Variants in PARD3B observed in about 807,000 individuals in gnomAD.
The protein encoded by PARD3B is par-3 family cell polarity regulator beta.
PARD3B carries 103 observed loss-of-function variants against 130.2 expected under a neutral mutation model. The observed-to-expected ratio is 0.79, with a 90% CI of 0.67 to 0.93. The LOEUF (loss-of-function observed/expected upper bound fraction) is 0.93. Among genes scored for constraint, PARD3B ranks in the 40% least tolerant of loss-of-function variants. PARD3B has a pLI of 0.00. For missense variants in PARD3B, 1,609 were observed against 1,499.2 expected, an observed-to-expected ratio of 1.07 and a Z score of -1.21; for synonymous variants, 583 against 553.2, an observed-to-expected ratio of 1.05 and a Z score of -0.76.
Position 205,128,262 on chromosome 2 carries a change from G to C in PARD3B, c.1434+2525G>C, listed in dbSNP as rs1343369816. Among the ~76,000 whole-genome samples the C allele has an allele frequency of 6.6e-6, 1 of 152,114 alleles. No individual in the cohort carries two copies. Among genetic ancestry groups the C allele is most frequent in the African/African-American group, 2.4e-5 (1 of 41,428 alleles). ...ACTCCAACTAGGAACTTAAACCCTC[G>C]AGCCTGCAGTTTCTGTCTAGTAGTT... On this transcript the variant is annotated intron_variant, in intron 10 of 22. Coordinates refer to ENST00000406610, the MANE Select transcript of PARD3B (RefSeq NM_001302769.2). The surrounding 1 kb of genome is among the most constrained non-coding windows in gnomAD (Gnocchi z 4.5).
intron 18 of PARD3B, among the ~76,000 whole-genome samples, chr2:205,381,051 AT>A (rs1398158020): frequency 0.062 from 1,240 of 20,020 alleles, 312 homozygotes; most frequent in African/African-American, 0.086. Flanking sequence ...AATATATATT[AT>A]ATATAAAGAA....
At chr2:204,680,517 T>C (rs1476804654) in intron 1 of PARD3B, among the ~76,000 whole-genome samples, 1 of 152,050 alleles carries the variant, frequency 6.6e-6, no homozygotes, top group East Asian at 1.9e-4. Context: ...ACTTTGATTT[T>C]TATTTGTTGT....
At chr2:205,157,314 G>T (rs564089039) in intron 10 of PARD3B, among the ~76,000 whole-genome samples, 1 of 152,248 alleles carries the variant, frequency 6.6e-6, no homozygotes, top group Non-Finnish European at 1.5e-5. Context: ...AATGGGATTT[G>T]TTTTTTAGGT....
intron 15 of PARD3B, among the ~76,000 whole-genome samples, chr2:205,227,290 G>C (rs529583164): frequency 2.0e-4 from 31 of 152,208 alleles, no homozygotes; most frequent in African/African-American, 6.7e-4. Flanking sequence ...GAAGTCTCCA[G>C]CCATTATTGT....
At chr2:204,559,997 T>G (rs1207897145) in intron 1 of PARD3B, among the ~76,000 whole-genome samples, 3 of 151,808 alleles carry the variant, frequency 2.0e-5, no homozygotes, top group Non-Finnish European at 4.4e-5. Context: ...ATGAGAACAC[T>G]TGGACACAGG....
chr2:204,684,476 T>G (rs1407173458), intron 1 of PARD3B, among the ~76,000 whole-genome samples: 2 of 152,206 alleles, frequency 1.3e-5, no homozygotes, highest in Non-Finnish European at 2.9e-5. Flanking sequence ...CTGGGTAGAT[T>G]TGAAGAAATA....
chr2:205,359,707 A>G (rs777662981), intron 18 of PARD3B, among the ~76,000 whole-genome samples: 50 of 152,112 alleles, frequency 3.3e-4, no homozygotes, highest in Admixed American at 6.6e-4. Context: ...TCCACTCAGC[A>G]TTGTTTTTAA....
At chr2:205,326,349 C>T (rs540817967) in intron 18 of PARD3B, among the ~76,000 whole-genome samples, 1 of 152,196 alleles carries the variant, frequency 6.6e-6, no homozygotes, top group East Asian at 1.9e-4. Context: ...AAATCTTATT[C>T]CATTAGGGAC....
In PARD3B at chr2:204,892,628, T is replaced by C. The variant is rs73982602; in HGVS notation, c.223-72524T>C. ...CTAGCTGCTGTACTGAGAAAAGATA[T>C]AGGGGTGGAAGTGTCAAATGGTTTG... On this transcript the variant is annotated intron_variant, in intron 2 of 22. Coordinates refer to ENST00000406610, the MANE Select transcript of PARD3B (RefSeq NM_001302769.2). Among the ~76,000 whole-genome samples, 1,249 of 152,224 alleles carry C rather than the reference T, an allele frequency of 8.2e-3. 10 individuals carry two copies. The highest frequency in any genetic ancestry group is 0.028 in the African/African-American group (1,152 of 41,534).
At chr2:205,209,146 C>G (rs2037484911) in intron 15 of PARD3B, among the ~76,000 whole-genome samples, 1 of 138,946 alleles carries the variant, frequency 7.2e-6, no homozygotes, top group African/African-American at 2.8e-5. Context: ...ATAAATGGTG[C>G]TGGGAAAACT....
intron 1 of PARD3B, among the ~76,000 whole-genome samples, chr2:204,615,284 G>A (rs898658366): frequency 5.3e-5 from 8 of 152,020 alleles, no homozygotes; most frequent in Admixed American, 1.3e-4. Flanking sequence ...GTTGCAATGC[G>A]GAATCTAAAA....
chr2:204,961,889 A>T (rs1487705001), intron 2 of PARD3B, among the ~76,000 whole-genome samples: 1 of 152,064 alleles, frequency 6.6e-6, no homozygotes. Context: ...GAGGGGTGAG[A>T]GCCTGACTAG....
rs180992905 is a variant in PARD3B at position 204,677,059 on chromosome 2, A to T, written c.121-9122A>T. On this transcript the variant is annotated intron_variant, in intron 1 of 22. Transcript: ENST00000406610. This position sits in a 1 kb window ranked among gnomAD's most constrained non-coding sequence, Gnocchi z 4.1. Reference sequence around the variant, plus strand: ...TTCTAGAACAGCACAGAAAAAGCCAAATCTCTCTTTTATGTGGAAGGCTTT... The same window carrying T: ...TTCTAGAACAGCACAGAAAAAGCCATATCTCTCTTTTATGTGGAAGGCTTT... Among the ~76,000 whole-genome samples the T allele has an allele frequency of 2.0e-5, 3 of 152,064 alleles. No homozygotes were observed. The highest frequency in any genetic ancestry group is 6.5e-5 in the Admixed American group (1 of 15,272).
chr2:204,810,766 GT>G (rs1198511918), intron 2 of PARD3B, among the ~76,000 whole-genome samples: 1 of 151,434 alleles, frequency 6.6e-6, no homozygotes, highest in African/African-American at 2.4e-5. Flanking sequence ...GGCCTGAAGT[GT>G]TTTTTTTGTT....
chr2:204,824,515 A>G (rs1448187812), intron 2 of PARD3B, among the ~76,000 whole-genome samples: 2 of 152,078 alleles, frequency 1.3e-5, no homozygotes, highest in African/African-American at 4.8e-5. Flanking sequence ...TCCTTGAACT[A>G]TCTCTATTTG....
rs940775679 is a variant in PARD3B, at chr2:205,288,201, G to A, written c.2186-12329G>A. Reference sequence around the variant, plus strand: ...GGTAGCAGGCAGTGCCCCCTGTCCCGTCCACCCAGACACATAACCCTGAGC... The same window carrying A: ...GGTAGCAGGCAGTGCCCCCTGTCCCATCCACCCAGACACATAACCCTGAGC... On this transcript the variant is annotated intron_variant, in intron 16 of 22. Coordinates refer to ENST00000406610, the MANE Select transcript of PARD3B (RefSeq NM_001302769.2). The surrounding 1 kb of genome is among the most constrained non-coding windows in gnomAD (Gnocchi z 4.0). Among the ~76,000 whole-genome samples, 2 of 152,000 alleles carry A rather than the reference G, an allele frequency of 1.3e-5. No individual in the cohort carries two copies. The highest frequency in any genetic ancestry group is 2.1e-4 in the South Asian group (1 of 4,816).
At chr2:204,983,219 G>A (rs1438430851) in intron 3 of PARD3B, among the ~76,000 whole-genome samples, 3 of 152,156 alleles carry the variant, frequency 2.0e-5, no homozygotes, top group African/African-American at 4.8e-5. Context: ...CAGACATTAT[G>A]TAGGAGTTTC....
At chr2:205,391,139 A>G (rs2045844941) in intron 18 of PARD3B, among the ~76,000 whole-genome samples, 2 of 152,248 alleles carry the variant, frequency 1.3e-5, no homozygotes, top group South Asian at 4.1e-4. Flanking sequence ...CACAGTTGAT[A>G]GAAAGTTCAG....
intron 18 of PARD3B, among the ~76,000 whole-genome samples, chr2:205,357,119 T>A (rs2044223270): frequency 6.6e-6 from 1 of 152,230 alleles, no homozygotes; most frequent in South Asian, 2.1e-4. Flanking sequence ...ATCTGTTCAC[T>A]CATTCATTAA....
Sources: gnomAD v4.1 joint callset for allele counts (sites outside exome capture counted in the v4.1 genomes callset) on GRCh38, gnomAD v4.1.1 for gene constraint, Gnocchi (gnomAD v3.1) non-coding constraint, MANE v1.5 for transcripts, NCBI Gene and HGNC (gene_info 2026-07-23, HGNC 2026-07-21) for gene names.